Variants in MAGI2 observed in about 807,000 individuals in gnomAD.
MAGI2 encodes membrane associated guanylate kinase, WW and PDZ domain containing 2.
A neutral mutation model predicts 133.3 loss-of-function variants in MAGI2; 35 were observed. The ratio of observed to expected loss-of-function variants is 0.26; its 90% CI spans 0.20 to 0.35. The LOEUF is 0.35. Among genes scored for constraint, MAGI2 ranks in the 10% least tolerant of loss-of-function variants. The probability of loss-of-function intolerance (pLI) is 1.00; values close to 1 mark genes in which losing one functional copy is unlikely to be tolerated. For missense variants in MAGI2, 1,636 were observed against 1,863.4 expected (o/e 0.88, Z 2.25); for synonymous variants, 729 against 710.6 (o/e 1.03, Z -0.41).
chr7:78,885,399 A>G (rs1340735560), intron 2 of MAGI2, among the ~76,000 whole-genome samples: 1 of 152,238 alleles, frequency 6.6e-6, no homozygotes, highest in Non-Finnish European at 1.5e-5. Context: ...TGATAAGTGT[A>G]CAGAGTTAAT....
At chr7:79,243,710 T>C (rs1273748060) in intron 1 of MAGI2, among the ~76,000 whole-genome samples, 1 of 152,248 alleles carries the variant, frequency 6.6e-6, no homozygotes, top group Non-Finnish European at 1.5e-5. Context: ...TACCTTCATA[T>C]TCTTTTACCT....
chr7:79,416,170 C>T (rs958331444), intron 1 of MAGI2, among the ~76,000 whole-genome samples: 2 of 152,080 alleles, frequency 1.3e-5, no homozygotes, highest in Admixed American at 1.3e-4. Context: ...GTTACATCAC[C>T]AATATTACAC....
intron 20 of MAGI2, among the ~76,000 whole-genome samples, chr7:78,089,936 T>A (rs1051589925): frequency 6.6e-6 from 1 of 152,186 alleles, no homozygotes; most frequent in Non-Finnish European, 1.5e-5. Flanking sequence ...GAGGTGTAAA[T>A]CCTTTAGGAC....
At position 79,104,039 on chromosome 7, in the gene MAGI2, C is replaced by A. The variant is rs1281974287; in HGVS notation, c.302-96833G>T. On this transcript the variant is annotated intron_variant, in intron 1 of 21. Transcript: ENST00000354212. ...TAAGTGGTGGCTACATGGTTGTATT[C>A]ACTTTGTTATAGTTCATCAAGCTGT... 3.3e-5 allele frequency among the ~76,000 whole-genome samples: 5 copies of A among 152,062 alleles called. No homozygotes were observed. The East Asian group carries it at 9.6e-4, about 29-fold the overall frequency.
intron 2 of MAGI2, among the ~76,000 whole-genome samples, chr7:78,896,725 G>A (rs985617790): frequency 1.4e-4 from 21 of 151,626 alleles, no homozygotes; most frequent in African/African-American, 4.6e-4. Flanking sequence ...GTGCCACTAC[G>A]CCCGGCTACT....
At chr7:78,579,710 A>T (rs1431429107) in intron 3 of MAGI2, among the ~76,000 whole-genome samples, 1 of 152,200 alleles carries the variant, frequency 6.6e-6, no homozygotes, top group Non-Finnish European at 1.5e-5. Context: ...ATGCTATATA[A>T]GCCACTTCTA....
At chr7:78,225,205 T>G (rs1332857793) in intron 10 of MAGI2, among the ~76,000 whole-genome samples, 1 of 152,196 alleles carries the variant, frequency 6.6e-6, no homozygotes, top group Non-Finnish European at 1.5e-5. Flanking sequence ...CCTTATTTTC[T>G]GAGATTCCAA....
chr7:78,146,364 T>C (rs1471646288), intron 16 of MAGI2, among the ~76,000 whole-genome samples: 1 of 151,832 alleles, frequency 6.6e-6, no homozygotes, highest in African/African-American at 2.4e-5. Context: ...TAGTTATAAT[T>C]TACTACTATC....
chr7:78,652,568 A>G (rs1404443857), intron 2 of MAGI2, among the ~76,000 whole-genome samples: 1 of 152,038 alleles, frequency 6.6e-6, no homozygotes, highest in Non-Finnish European at 1.5e-5. Context: ...CTAGCTAGCC[A>G]TATGCAGAAA....
chr7:78,333,001 G>T (rs1004955577), intron 9 of MAGI2, among the ~76,000 whole-genome samples: 24 of 152,302 alleles, frequency 1.6e-4, no homozygotes, highest in African/African-American at 5.8e-4. Flanking sequence ...AGCACCTAAA[G>T]TTCATAAATG....
intron 2 of MAGI2, among the ~76,000 whole-genome samples, chr7:78,944,190 A>G (rs1328678605): frequency 2.0e-5 from 3 of 151,992 alleles, no homozygotes; most frequent in East Asian, 3.9e-4. Context: ...TCTCACCTAC[A>G]CTCATACTAT....
Position 79,203,030 on chromosome 7 carries a change from A to G in MAGI2, c.302-195824T>C, listed in dbSNP as rs1024166662. Reference sequence around the variant, plus strand: ...CTGGCCCACAAACTTTTTGCCCAACATCTTTCCATTTTAGTACAGAGCACA... The same window carrying G: ...CTGGCCCACAAACTTTTTGCCCAACGTCTTTCCATTTTAGTACAGAGCACA... On this transcript the variant is annotated intron_variant, in intron 1 of 21. Coordinates refer to ENST00000354212, the MANE Select transcript of MAGI2 (RefSeq NM_012301.4). Among the ~76,000 whole-genome samples, 5 of 152,132 alleles carry G rather than the reference A, an allele frequency of 3.3e-5. No individual in the cohort carries two copies. The East Asian group carries it at 7.7e-4, about 24-fold the overall frequency.
chr7:78,536,103 C>CTTTTTTTTTTTTTTTTTTTTTTTT (rs544655465), intron 3 of MAGI2, among the ~76,000 whole-genome samples: 1 of 59,924 alleles, frequency 1.7e-5, no homozygotes, highest in Non-Finnish European at 2.8e-5. Context: ...ATGAATTAAA[C>CTTTTTTTTTTTTTTTTTTTTTTTT]TTTTTTTTTT....
At chr7:78,667,947 A>T (rs145280930) in intron 2 of MAGI2, among the ~76,000 whole-genome samples, 2,623 of 152,222 alleles carry the variant, frequency 0.017, 22 homozygotes, top group Non-Finnish European at 0.027. Context: ...CTAGTTCTAG[A>T]TCTCTGAGGA....
chr7:79,315,105 C>A (rs4358747), intron 1 of MAGI2, among the ~76,000 whole-genome samples: 151,174 of 151,942 alleles, frequency 0.99, 75,214 homozygotes, highest in Middle Eastern at 1. Flanking sequence ...TGCAACTCTA[C>A]GAATATCATT....
At chr7:78,651,014 T>G (rs976610455) in intron 2 of MAGI2, among the ~76,000 whole-genome samples, 5 of 152,162 alleles carry the variant, frequency 3.3e-5, no homozygotes, top group African/African-American at 1.2e-4. Flanking sequence ...TAGCAATCCT[T>G]GACATGGTAA....
chr7:78,573,253 TATAA>T (rs1434503176), intron 3 of MAGI2, among the ~76,000 whole-genome samples: 412 of 40,124 alleles, frequency 0.01, 7 homozygotes, highest in African/African-American at 0.022. Context: ...TATAAATATA[TATAA>T]ATATAAATAT....
intron 2 of MAGI2, among the ~76,000 whole-genome samples, chr7:78,885,281 T>A (rs1226461831): frequency 1.3e-5 from 2 of 152,126 alleles, no homozygotes; most frequent in Non-Finnish European, 2.9e-5. Flanking sequence ...GTAACAAACC[T>A]GCACATGTAG....
chr7:78,549,395 T>C (rs989919638), intron 3 of MAGI2, among the ~76,000 whole-genome samples: 6 of 151,770 alleles, frequency 4.0e-5, no homozygotes, highest in African/African-American at 1.5e-4. Flanking sequence ...TGTTCATTCA[T>C]CTGCATTCTA....
Sources: allele counts gnomAD v4.1 joint callset (sites outside exome capture counted in the v4.1 genomes callset), GRCh38; gene constraint gnomAD v4.1.1; transcripts MANE v1.5; gene names NCBI Gene and HGNC (gene_info 2026-07-23, HGNC 2026-07-21).